The following TMCC1 variants were observed in gnomAD, a reference collection of about 807,000 sequenced individuals.
TMCC1 encodes transmembrane and coiled-coil domain family 1.
In TMCC1, 15 loss-of-function variants were observed where a neutral mutation model predicts 52.4. The observed-to-expected ratio is 0.29, with a 90% confidence interval of 0.19 to 0.44. TMCC1 has a LOEUF of 0.44. Among genes scored for constraint, TMCC1 ranks in the 20% least tolerant of loss-of-function variants. The probability of loss-of-function intolerance (pLI) is 1.00; values close to 1 mark genes in which losing one functional copy is unlikely to be tolerated. For synonymous variants in TMCC1, 279 were observed against 301.9 expected (o/e 0.92, Z 0.79); for missense variants, 503 against 806.0 (o/e 0.62, Z 4.55).
chr3:129,747,209 A>G (rs2052055739), intron 4 of TMCC1, among the ~76,000 whole-genome samples: 1 of 152,176 alleles, frequency 6.6e-6, no homozygotes, highest in Non-Finnish European at 1.5e-5. Context: ...ATATAAAAAA[A>G]AGTTCAACAT....
chr3:129,715,771 A>T (rs2107579943), intron 4 of TMCC1, among the ~76,000 whole-genome samples: 1 of 152,274 alleles, frequency 6.6e-6, no homozygotes, highest in Non-Finnish European at 1.5e-5. Flanking sequence ...TATCTTATAC[A>T]TTCTTGAACT....
Position 129,725,801 on chromosome 3 carries a change from C to A in TMCC1, c.577-54537G>T, listed in dbSNP as rs536178675. 5.8e-4 allele frequency among the ~76,000 whole-genome samples: 89 copies of A among 152,138 alleles called. 2 individuals carry two copies. The South Asian group carries it at 0.018, about 30-fold the overall frequency. The stretch of plus-strand genomic sequence containing the variant: ...TACCAATTGAAAAGAAACAACCGTA[C>A]TAAATTTTTTAGTTCTGAGCTTCTT... On this transcript the variant is annotated intron_variant, in intron 4 of 6. Coordinates refer to ENST00000393238, the MANE Select transcript of TMCC1 (RefSeq NM_001017395.5).
At chr3:129,691,563 T>C (rs2047030184) in intron 4 of TMCC1, among the ~76,000 whole-genome samples, 1 of 152,146 alleles carries the variant, frequency 6.6e-6, no homozygotes, top group South Asian at 2.1e-4. Context: ...GGAGGATCAC[T>C]TAAGGCCAGG....
At chr3:129,751,409 A>G (rs2052506697) in intron 4 of TMCC1, among the ~76,000 whole-genome samples, 1 of 151,946 alleles carries the variant, frequency 6.6e-6, no homozygotes, top group Non-Finnish European at 1.5e-5. Context: ...AAGTGCCTCT[A>G]GTCCCAGCTA....
At chr3:129,701,452 G>A (rs138364005) in intron 4 of TMCC1, among the ~76,000 whole-genome samples, 22 of 152,256 alleles carry the variant, frequency 1.4e-4, no homozygotes, top group South Asian at 1.0e-3. Flanking sequence ...ATGTAAAAGC[G>A]AACCCCCATA....
chr3:129,740,838 GA>G (rs1446552447), intron 4 of TMCC1, among the ~76,000 whole-genome samples: 1 of 152,072 alleles, frequency 6.6e-6, no homozygotes, highest in Non-Finnish European at 1.5e-5. Context: ...AAATTTCAAA[GA>G]TTCTAGCACA....
chr3:129,821,875 G>C (rs186595884), intron 4 of TMCC1, among the ~76,000 whole-genome samples: 4 of 151,974 alleles, frequency 2.6e-5, no homozygotes, highest in African/African-American at 7.2e-5. Flanking sequence ...GACCAGCCTG[G>C]GCAACACCGC....
intron 4 of TMCC1, among the ~76,000 whole-genome samples, chr3:129,756,101 A>G (rs1241782222): frequency 7.2e-6 from 1 of 138,610 alleles, no homozygotes; most frequent in Non-Finnish European, 1.6e-5. Flanking sequence ...CCATCTCAAG[A>G]AAAAAAAAAA....
In TMCC1 at chr3:129,814,819, T is replaced by C. The variant is rs370155247; in HGVS notation, c.576+12984A>G. Among the ~76,000 whole-genome samples the C allele has an allele frequency of 3.3e-5, 5 of 152,188 alleles. No homozygotes were observed. In the South Asian group the frequency reaches 6.2e-4, roughly 19 times the overall value. ...GGAAGAGACAAAGTAGGTCACTATA[T>C]AAAGATAAACTGGTTAATTCAGGAA... On this transcript the variant is annotated intron_variant, in intron 4 of 6. Transcript: ENST00000393238.
In TMCC1 at chr3:129,859,363, AT is replaced by A. The variant is rs1176194804; in HGVS notation, c.-184+20945del. ...AAAAAATGAATTCAGGCTGGGTGTG[AT>A]AGCTCACGCGTTATCCCAGCACTTT... On this transcript the variant is annotated intron_variant, in intron 2 of 6. Coordinates refer to ENST00000393238, the MANE Select transcript of TMCC1 (RefSeq NM_001017395.5). 5.9e-5 allele frequency among the ~76,000 whole-genome samples: 9 copies of A among 152,326 alleles called. 1 individual carries two copies. Among genetic ancestry groups the A allele is most frequent in the Non-Finnish European group, 1.3e-4 (9 of 68,026 alleles).
intron 2 of TMCC1, among the ~76,000 whole-genome samples, chr3:129,852,741 T>C (rs1198218621): frequency 6.6e-6 from 1 of 152,160 alleles, no homozygotes; most frequent in Non-Finnish European, 1.5e-5. Flanking sequence ...AAGAGTTTTT[T>C]AAAAAATCAT....
intron 4 of TMCC1, among the ~76,000 whole-genome samples, chr3:129,766,143 A>G (rs2054106971): frequency 6.6e-6 from 1 of 152,244 alleles, no homozygotes; most frequent in Non-Finnish European, 1.5e-5. Flanking sequence ...AGGCAATGCA[A>G]TAATCCCTTC....
In TMCC1 at chr3:129,667,318, T is replaced by A. The variant is rs146781088; in HGVS notation, c.1511+3012A>T. ...AACAAAATTAGATGAATATGTTTAC[T>A]GTATAAAGCCATATATAATGGAGGG... On this transcript the variant is annotated intron_variant, in intron 5 of 6. Transcript: ENST00000393238. Among the ~76,000 whole-genome samples the A allele has an allele frequency of 3.9e-5, 6 of 152,210 alleles. No individual in the cohort carries two copies. In the East Asian group the frequency reaches 1.2e-3, roughly 29 times the overall value.
intron 4 of TMCC1, among the ~76,000 whole-genome samples, chr3:129,771,774 CAAAAAAAAAA>C (rs755523077): frequency 5.0e-4 from 38 of 75,680 alleles, no homozygotes; most frequent in African/African-American, 1.3e-3. Context: ...GACACTGTCT[CAAAAAAAAAA>C]AAAAAAAAAA....
rs74626911 is a variant in TMCC1 at position 129,710,704 on chromosome 3, T to C, written c.577-39440A>G. 7.2e-5 allele frequency among the ~76,000 whole-genome samples: 11 copies of C among 152,316 alleles called. No individual in the cohort carries two copies. The East Asian group carries it at 2.1e-3, about 29-fold the overall frequency. The stretch of plus-strand genomic sequence containing the variant: ...ACAACTCTACTTAAAAGTAACAGGC[T>C]TTACAGAGGCAGCAATTATATACAG... On this transcript the variant is annotated intron_variant, in intron 4 of 6. Coordinates refer to ENST00000393238, the MANE Select transcript of TMCC1 (RefSeq NM_001017395.5).
At chr3:129,735,906 A>G (rs1484315110) in intron 4 of TMCC1, among the ~76,000 whole-genome samples, 3 of 152,204 alleles carry the variant, frequency 2.0e-5, no homozygotes, top group East Asian at 1.9e-4. Context: ...AGCTGCGAAC[A>G]TGGTAGAAGC....
At chr3:129,773,317 T>G (rs2054763286) in intron 4 of TMCC1, among the ~76,000 whole-genome samples, 1 of 152,198 alleles carries the variant, frequency 6.6e-6, no homozygotes, top group Non-Finnish European at 1.5e-5. Flanking sequence ...TGTGGGTGTT[T>G]GTGTGGGAAG....
At chr3:129,754,533 CAAT>C (rs2052818158) in intron 4 of TMCC1, among the ~76,000 whole-genome samples, 2 of 152,148 alleles carry the variant, frequency 1.3e-5, no homozygotes, top group Non-Finnish European at 2.9e-5. Flanking sequence ...CAATGGAATA[CAAT>C]AGAGAGTCTT....
intron 4 of TMCC1, among the ~76,000 whole-genome samples, chr3:129,685,326 C>G (rs1435750979): frequency 6.6e-6 from 1 of 151,438 alleles, no homozygotes; most frequent in Non-Finnish European, 1.5e-5. Flanking sequence ...CTGCACTGAA[C>G]TATGATCATG....
Sources: allele counts gnomAD v4.1 joint callset (sites outside exome capture counted in the v4.1 genomes callset), GRCh38; gene constraint gnomAD v4.1.1; transcripts MANE v1.5; gene names NCBI Gene and HGNC (gene_info 2026-07-23, HGNC 2026-07-21).